Variants in SLC44A4 observed in about 807,000 individuals in gnomAD.
The protein encoded by SLC44A4 is solute carrier family 44 member 4, also known as choline transporter-like protein 4.
Under a neutral mutation model 97.0 loss-of-function variants are expected in SLC44A4, and 74 were observed. That is an observed-to-expected ratio of 0.76 (90% CI 0.63 to 0.93). The LOEUF (loss-of-function observed/expected upper bound fraction) is 0.93, where lower values mean the gene tolerates loss of function less well. Ranked by LOEUF, SLC44A4 falls within the 40% of genes least tolerant of loss-of-function variation. The probability of loss-of-function intolerance (pLI) is 0.00; values close to 1 mark genes in which losing one functional copy is unlikely to be tolerated. For synonymous variants in SLC44A4, 325 were observed against 363.8 expected (o/e 0.89, Z 1.21); for missense variants, 799 against 902.9 (o/e 0.88, Z 1.48).
At position 31,871,133 on chromosome 6, in the gene SLC44A4, C is replaced by T. The variant is rs550043316; in HGVS notation, c.702-86G>A. 5 of 1,343,190 alleles carry T rather than the reference C, an allele frequency of 3.7e-6. No individual in the cohort carries two copies. In the South Asian group the frequency reaches 4.9e-5, roughly 13 times the overall value. 83.2% of individuals were successfully genotyped at this position (1,343,190 alleles called of 1,614,324 possible). The stretch of plus-strand genomic sequence containing the variant: ...GAGGCCCTCCCTGCCTTTCCACACA[C>T]CACCCAATGTCCCCAGATTAGGCCT... On this transcript the variant is annotated intron_variant, in intron 9 of 20. Transcript: ENST00000229729.
intron 11 of SLC44A4, among the ~76,000 whole-genome samples, chr6:31,870,017 G>C (rs1333001609): frequency 6.6e-6 from 1 of 151,510 alleles, no homozygotes; most frequent in Non-Finnish European, 1.5e-5. Context: ...TGACCCCTCT[G>C]CCCTCACTGG....
Position 31,870,854 on chromosome 6 carries a change from G to C in SLC44A4, c.895C>G (p.Leu299Val), listed in dbSNP as rs1763126363. ...SISQLGFTTNLSAYQSVQETW... is the reference protein window; with the variant it reads ...SISQLGFTTNVSAYQSVQETW... Reference sequence around the variant, plus strand: ...TCCTGCACGCTCTGGTAGGCACTGAGGTTGGTGGTGAAACCCAGCTGGGAG... The same window carrying C: ...TCCTGCACGCTCTGGTAGGCACTGACGTTGGTGGTGAAACCCAGCTGGGAG... The change falls in exon 10 of 21, where the codon CTC (leucine) becomes GTC (valine). Residue 299 changes from leucine (L) to valine (V), a missense_variant. Coordinates refer to ENST00000229729, the MANE Select transcript of SLC44A4 (RefSeq NM_025257.3). The C allele has an allele frequency of 6.2e-7, 1 of 1,612,966 alleles. No individual in the cohort carries two copies. Among genetic ancestry groups the C allele is most frequent in the Admixed American group, 1.7e-5 (1 of 60,016 alleles).
Position 31,865,275 on chromosome 6 carries a change from C to T in SLC44A4, c.1760+40G>A. 6.2e-7 allele frequency: 1 copy of T among 1,611,270 alleles called. No homozygotes were observed. Among genetic ancestry groups the T allele is most frequent in the African/African-American group, 1.3e-5 (1 of 74,874 alleles). On this transcript the variant is annotated intron_variant, in intron 17 of 20. Coordinates refer to ENST00000229729, the MANE Select transcript of SLC44A4 (RefSeq NM_025257.3). The surrounding 1 kb of genome is among the most constrained non-coding windows in gnomAD (Gnocchi z 5.2). Reference sequence around the variant, plus strand: ...ACGAAGCCAGCCTTGGGTGGGAGATCAGAGGAGGGAGCCACAAAGCGGGGG... The same window carrying T: ...ACGAAGCCAGCCTTGGGTGGGAGATTAGAGGAGGGAGCCACAAAGCGGGGG...
In SLC44A4 at chr6:31,870,613, C is replaced by T; in HGVS notation, c.1027G>A (p.Glu343Lys). 6.2e-7 allele frequency: 1 copy of T among 1,600,492 alleles called. No homozygotes were observed. Among genetic ancestry groups the T allele is most frequent in the South Asian group, 1.1e-5 (1 of 89,028 alleles). ...RIRIAIALLK[E>K]ASKAVGQMMS... ...CAGGCAGGCCCTAACTTGCTGGCCT[C>T]CTTCAGGAGGGCGATGGCAATACGA... The change falls in exon 11 of 21, where the codon GAG becomes AAG. Residue 343 changes from glutamate to lysine, a missense_variant. Transcript: ENST00000229729.
chr6:31,870,468 A>G (rs1763094587), intron 11 of SLC44A4, 135 bp downstream of exon 11: 4 of 658,854 alleles, frequency 6.1e-6, no homozygotes, highest in Non-Finnish European at 1.1e-5. Flanking sequence ...AAGCCACAGC[A>G]GTGTTCACCA....
rs1414889989 is a variant in SLC44A4 at position 31,878,297 on chromosome 6, C to T, written c.40+644G>A. Among the ~76,000 whole-genome samples, 2 of 151,954 alleles carry T rather than the reference C, an allele frequency of 1.3e-5. No homozygotes were observed. The highest frequency in any genetic ancestry group is 4.8e-5 in the African/African-American group (2 of 41,320). ...CTGCTCCTAGCTCCTCACAGAGACC[C>T]CTAGGCAGGACCCCAGCCCCCTTTC... On this transcript the variant is annotated intron_variant, in intron 1 of 20. Coordinates refer to ENST00000229729, the MANE Select transcript of SLC44A4 (RefSeq NM_025257.3). This position sits in a 1 kb window ranked among gnomAD's most constrained non-coding sequence, Gnocchi z 4.0.
chr6:31,872,938 C>T (rs1763252931), intron 7 of SLC44A4, among the ~76,000 whole-genome samples: 1 of 151,706 alleles, frequency 6.6e-6, no homozygotes, highest in Non-Finnish European at 1.5e-5. Flanking sequence ...AGTGCAGTGG[C>T]ACCATCTCGG....
Position 31,876,860 on chromosome 6 carries a change from C to T in SLC44A4, c.89+174G>A, listed in dbSNP as rs1472043340. On this transcript the variant is annotated intron_variant, in intron 2 of 20. Transcript: ENST00000229729. This position sits in a 1 kb window ranked among gnomAD's most constrained non-coding sequence, Gnocchi z 4.8. ...AGAACATCCCCCCAGAACTGGGAAG[C>T]CCTCGATGCCTGCTCCAGACACAAC... Among the ~76,000 whole-genome samples the T allele has an allele frequency of 5.9e-5, 9 of 152,120 alleles. No homozygotes were observed. Among genetic ancestry groups the T allele is most frequent in the African/African-American group, 1.4e-4 (6 of 41,400 alleles).
Position 31,874,620 on chromosome 6 carries a change from C to T in SLC44A4, c.469-100G>A. The T allele has an allele frequency of 6.4e-7, 1 of 1,563,960 alleles. No homozygotes were observed. The highest frequency in any genetic ancestry group is 8.7e-7 in the Non-Finnish European group (1 of 1,155,128). On this transcript the variant is annotated intron_variant, in intron 6 of 20. Transcript: ENST00000229729. This position sits in a 1 kb window ranked among gnomAD's most constrained non-coding sequence, Gnocchi z 4.8. The stretch of plus-strand genomic sequence containing the variant: ...GGGGCTCAGCCTGTCCCACACTCCC[C>T]AGGAGAGCCAACCTGGTGATGATCT...
rs1161376925 is a variant in SLC44A4, at chr6:31,870,670, G to A, written c.970C>T (p.Leu324=). The change falls in exon 11 of 21, where the codon CTG becomes TTG. Residue 324 remains leucine, a synonymous_variant. Transcript: ENST00000229729. ...IVLAVLEAIL[L]LMLIFLRQRI... is the part of the protein sequence containing the mutation. ...TGCCGCAGGAAGATGAGCATCAGCA[G>A]CAGGATGGCTTCAAGCACCGCCAAC... is the stretch of plus-strand genomic sequence containing the variant. The A allele has an allele frequency of 2.5e-6, 4 of 1,611,022 alleles. No individual in the cohort carries two copies. Among genetic ancestry groups the A allele is most frequent in the Non-Finnish European group, 3.4e-6 (4 of 1,179,106 alleles).
intron 13 of SLC44A4, among the ~76,000 whole-genome samples, chr6:31,866,871 G>C (rs1232212480): frequency 4.6e-5 from 7 of 150,630 alleles, no homozygotes; most frequent in Non-Finnish European, 1.0e-4. Context: ...TCCAGCCTGG[G>C]AGACAAGAGC....
chr6:31,869,216 G>A lies in SLC44A4; in HGVS notation c.1172C>T (p.Ala391Val), dbSNP rs551723132. The A allele has an allele frequency of 7.5e-6, 12 of 1,610,690 alleles. No homozygotes were observed. Among genetic ancestry groups the A allele is most frequent in the African/African-American group, 2.7e-5 (2 of 74,976 alleles). Reference protein sequence around the residue: ...TSGQPQYVLWASNISSPGCEK... With the variant: ...TSGQPQYVLWVSNISSPGCEK... ...ACAGCCGGGGGAGCTGATGTTGGAT[G>A]CCCAGAGCACATACTGGGGTTGCCC... Residue 391 changes from alanine to valine, a missense_variant, in exon 13 of 21, where the codon GCA (alanine) becomes GTA (valine). Physicochemically the swap from Ala to Val is moderately conservative, Grantham distance 64. Around this residue, in one of 3 missense-constraint regions of SLC44A4, gnomAD observed 379 missense variants for 438.3 expected, o/e 0.86. Coordinates refer to ENST00000229729, the MANE Select transcript of SLC44A4 (RefSeq NM_025257.3).
Position 31,863,756 on chromosome 6 carries a change from G to A in SLC44A4, c.2012-8C>T. ...TCCGCTCCAGGTCTTCCACTGAGCC[G>A]CAACAGAGACCGGTTAGAGCGGACC... On this transcript the variant is annotated splice_polypyrimidine_tract_variant and splice_region_variant and intron_variant, in intron 20 of 20. Transcript: ENST00000229729. 1 of 1,612,242 alleles carries A rather than the reference G, an allele frequency of 6.2e-7. No homozygotes were observed. Among genetic ancestry groups the A allele is most frequent in the East Asian group, 2.2e-5 (1 of 44,802 alleles).
At position 31,878,823 on chromosome 6, in the gene SLC44A4, C is replaced by T. The variant is rs1763606291; in HGVS notation, c.40+118G>A. 1.6e-6 allele frequency: 2 copies of T among 1,252,468 alleles called. No homozygotes were observed. The highest frequency in any genetic ancestry group is 2.3e-6 in the Non-Finnish European group (2 of 859,910). 77.6% of individuals were successfully genotyped at this position (1,252,468 alleles called of 1,614,324 possible). A position where few individuals can be genotyped will look rare whatever the true frequency, so the allele number is the denominator to read the frequency against. On this transcript the variant is annotated intron_variant, in intron 1 of 20. Coordinates refer to ENST00000229729, the MANE Select transcript of SLC44A4 (RefSeq NM_025257.3). The surrounding 1 kb of genome is among the most constrained non-coding windows in gnomAD (Gnocchi z 4.0). The stretch of plus-strand genomic sequence containing the variant: ...CATGGCTCCCGGTTCCCGGGCCCTC[C>T]CCTCAGGGACACAGTACTCTCCTTA...
At chr6:31,871,589 T>C in intron 7 of SLC44A4, 28 bp from the exon 8 acceptor site, 1 of 1,579,338 alleles carries the variant, frequency 6.3e-7, no homozygotes, top group Non-Finnish European at 8.7e-7. Context: ...GCTGCTGGGT[T>C]GGGGGCCAGG....
At position 31,877,037 on chromosome 6, in the gene SLC44A4, T is replaced by C. The variant is rs1179607070; in HGVS notation, c.86A>G (p.Asn29Ser). ...CGGAGCAGTGCCCAGAGCTCACCTG[T>C]TCTTGATGGGGCCTCGAAAGGAGGG... The part of the protein sequence containing the change: ...YDPSFRGPIK[N>S]RSCTDVICCV... Residue 29 changes from asparagine to serine, a missense_variant, in exon 2 of 21, where the codon AAC becomes AGC. By Grantham distance (46) the Asn-to-Ser change is conservative. Coordinates refer to ENST00000229729, the MANE Select transcript of SLC44A4 (RefSeq NM_025257.3). This position sits in a 1 kb window ranked among gnomAD's most constrained non-coding sequence, Gnocchi z 6.5. 6.2e-7 allele frequency: 1 copy of C among 1,609,122 alleles called. No homozygotes were observed. Among genetic ancestry groups the C allele is most frequent in the Non-Finnish European group, 8.5e-7 (1 of 1,178,740 alleles).
At chr6:31,868,597 G>A (rs1393104696) in intron 13 of SLC44A4, among the ~76,000 whole-genome samples, 1 of 152,190 alleles carries the variant, frequency 6.6e-6, no homozygotes, top group Non-Finnish European at 1.5e-5. Flanking sequence ...AGGAGTTCAA[G>A]ACCAGCCCGG....
intron 11 of SLC44A4, among the ~76,000 whole-genome samples, chr6:31,869,889 G>A (rs1763063293): frequency 6.6e-6 from 1 of 152,156 alleles, no homozygotes. Context: ...GGAGGCTGAG[G>A]CAGGAGAATG....
Position 31,877,505 on chromosome 6 carries a change from C to T in SLC44A4, c.41-423G>A. 1 of 730,232 alleles carries T rather than the reference C, an allele frequency of 1.4e-6. No individual in the cohort carries two copies. The highest frequency in any genetic ancestry group is 1.7e-6 in the Non-Finnish European group (1 of 586,126). 45.2% of individuals were successfully genotyped at this position (730,232 alleles called of 1,614,324 possible). ...TCCCTCCCCAGGGACCACACAGACC[C>T]ACAGCCCCTCAGGGAGGTCATGGCC... On this transcript the variant is annotated intron_variant, in intron 1 of 20. Coordinates refer to ENST00000229729, the MANE Select transcript of SLC44A4 (RefSeq NM_025257.3). This position sits in a 1 kb window ranked among gnomAD's most constrained non-coding sequence, Gnocchi z 6.5.
Sources: allele counts gnomAD v4.1 joint callset (sites outside exome capture counted in the v4.1 genomes callset), GRCh38; gene constraint gnomAD v4.1.1; regional missense constraint gnomAD v4.1.1; non-coding constraint Gnocchi (gnomAD v3.1); transcripts MANE v1.5; gene names NCBI Gene and HGNC (gene_info 2026-07-23, HGNC 2026-07-21).